Variants in CPNE8 observed in about 807,000 individuals in gnomAD.
CPNE8 encodes copine 8.
In CPNE8, 45 loss-of-function variants were observed where a neutral mutation model predicts 81.5. The observed-to-expected ratio is 0.55, with a 90% CI of 0.44 to 0.71. CPNE8 has a LOEUF of 0.71. CPNE8 is among the 30% of genes least tolerant of loss of function. The pLI, the probability that CPNE8 is intolerant of heterozygous loss-of-function variation, is 0.00. For synonymous variants in CPNE8, 252 were observed against 226.3 expected, an observed-to-expected ratio of 1.11 and a Z score of -1.02; for missense variants, 594 against 672.1, an observed-to-expected ratio of 0.88 and a Z score of 1.28.
chr12:38,881,480 T>C (rs1424903990), intron 1 of CPNE8, among the ~76,000 whole-genome samples: 1 of 152,152 alleles, frequency 6.6e-6, no homozygotes, highest in Non-Finnish European at 1.5e-5. Flanking sequence ...CAACAGACAC[T>C]AGGGATAAAA....
chr12:38,829,981 C>T (rs867160187), intron 5 of CPNE8, among the ~76,000 whole-genome samples: 1 of 152,128 alleles, frequency 6.6e-6, no homozygotes, highest in African/African-American at 2.4e-5. Context: ...GCAGTTTGCT[C>T]TTCTCTATAA....
chr12:38,676,765 G>A (rs1338145514), intron 17 of CPNE8, among the ~76,000 whole-genome samples: 5 of 152,056 alleles, frequency 3.3e-5, no homozygotes, highest in South Asian at 2.1e-4. Context: ...CACATCTTTC[G>A]CTATGAAGAT....
intron 6 of CPNE8, among the ~76,000 whole-genome samples, chr12:38,790,837 T>C (rs147841224): frequency 6.6e-6 from 1 of 151,724 alleles, no homozygotes; most frequent in African/African-American, 2.4e-5. Flanking sequence ...TAATTTGTTT[T>C]TTGTGTGATT....
intron 2 of CPNE8, 40 bp downstream of exon 2, chr12:38,874,431 A>G: frequency 6.6e-7 from 1 of 1,510,458 alleles, no homozygotes; most frequent in Non-Finnish European, 9.2e-7. Context: ...ACTTTTGCAA[A>G]ATCAAATGAT....
chr12:38,772,078 A>G (rs1365302140), intron 7 of CPNE8, among the ~76,000 whole-genome samples: 1 of 152,154 alleles, frequency 6.6e-6, no homozygotes, highest in Admixed American at 6.5e-5. Context: ...TTCTCTCAGA[A>G]TGAGTTCATT....
chr12:38,826,463 G>A (rs144449613), intron 6 of CPNE8, among the ~76,000 whole-genome samples: 130 of 152,078 alleles, frequency 8.5e-4, no homozygotes, highest in African/African-American at 3.0e-3. Flanking sequence ...GTTATACCCC[G>A]CCCTTAGCAA....
At chr12:38,878,502 T>C (rs1944099537) in intron 1 of CPNE8, among the ~76,000 whole-genome samples, 1 of 152,254 alleles carries the variant, frequency 6.6e-6, no homozygotes, top group Non-Finnish European at 1.5e-5. Flanking sequence ...TGCCTTCTCC[T>C]AAACACAACA....
At chr12:38,894,455 A>G (rs1046471999) in intron 1 of CPNE8, among the ~76,000 whole-genome samples, 2 of 152,122 alleles carry the variant, frequency 1.3e-5, no homozygotes, top group African/African-American at 4.8e-5. Flanking sequence ...GGATGAAACC[A>G]CTGGCATAAA....
chr12:38,683,915 T>C (rs981388035), intron 16 of CPNE8, among the ~76,000 whole-genome samples: 1 of 152,126 alleles, frequency 6.6e-6, no homozygotes, highest in Admixed American at 6.6e-5. Context: ...AGCCTTTGAT[T>C]TTAAATGTAT....
In CPNE8 at chr12:38,659,288, C is replaced by T. The variant is rs759006197; in HGVS notation, c.1507-5218G>A. ...AAACAGACTTTAAACCAACAAAGAT[C>T]GAAAAAGACAAAGAAGGCCATTACA... On this transcript the variant is annotated intron_variant, in intron 19 of 19. Coordinates refer to ENST00000331366, the MANE Select transcript of CPNE8 (RefSeq NM_153634.3). Among the ~76,000 whole-genome samples, 93 of 150,728 alleles carry T rather than the reference C, an allele frequency of 6.2e-4. 1 individual carries two copies. The highest frequency in any genetic ancestry group is 2.1e-4 in the Non-Finnish European group (14 of 67,776).
intron 5 of CPNE8, among the ~76,000 whole-genome samples, chr12:38,831,921 G>A (rs1592126192): frequency 6.6e-6 from 1 of 152,296 alleles, no homozygotes; most frequent in Non-Finnish European, 1.5e-5. Context: ...ATGGAGTAGC[G>A]AGTCTCAGTA....
At chr12:38,800,007 C>T (rs1369455280) in intron 6 of CPNE8, among the ~76,000 whole-genome samples, 1,604 of 142,262 alleles carry the variant, frequency 0.011, 29 homozygotes, top group African/African-American at 0.037. Flanking sequence ...GAGGGTCCTA[C>T]GCCCACGGAA....
At chr12:38,882,814 A>C (rs1450261311) in intron 1 of CPNE8, among the ~76,000 whole-genome samples, 1 of 152,128 alleles carries the variant, frequency 6.6e-6, no homozygotes, top group Admixed American at 6.5e-5. Flanking sequence ...GCTTCCAGAC[A>C]CTTCAGATTC....
intron 4 of CPNE8, among the ~76,000 whole-genome samples, chr12:38,844,217 C>T (rs1943517667): frequency 1.3e-5 from 2 of 151,976 alleles, no homozygotes; most frequent in South Asian, 4.2e-4. Flanking sequence ...ACTCAGATAT[C>T]CCTTTTTAGT....
At chr12:38,668,804 C>T (rs1340368004) in intron 19 of CPNE8, among the ~76,000 whole-genome samples, 2 of 152,070 alleles carry the variant, frequency 1.3e-5, no homozygotes, top group South Asian at 2.1e-4. Flanking sequence ...AATCCCAGCA[C>T]ATTGGGAGGC....
chr12:38,693,601 T>C (rs1411191491), intron 15 of CPNE8, 56 bp downstream of exon 15: 2 of 1,457,460 alleles, frequency 1.4e-6, no homozygotes, highest in African/African-American at 2.8e-5. Flanking sequence ...CAAAGCAATA[T>C]TAAAAGGTCT....
intron 16 of CPNE8, among the ~76,000 whole-genome samples, chr12:38,684,533 G>T (rs1012453413): frequency 6.6e-6 from 1 of 152,156 alleles, no homozygotes; most frequent in African/African-American, 2.4e-5. Flanking sequence ...GTCAACCTGA[G>T]TTGGAGTTCC....
chr12:38,667,059 C>T (rs569882433), intron 19 of CPNE8, among the ~76,000 whole-genome samples: 30 of 152,160 alleles, frequency 2.0e-4, no homozygotes, highest in Non-Finnish European at 4.3e-4. Context: ...ACCCTATCTA[C>T]TACCCCCAAT....
Position 38,692,583 on chromosome 12 carries a change from T to C in CPNE8, c.1143+1074A>G, listed in dbSNP as rs533515166. On this transcript the variant is annotated intron_variant, in intron 15 of 19. Transcript: ENST00000331366. ...TGGAGGCTAAACCAGTATATATTTG[T>C]ATAGGTTTGGTTACAAGGAATGAAC... Among the ~76,000 whole-genome samples, 5 of 152,206 alleles carry C rather than the reference T, an allele frequency of 3.3e-5. No homozygotes were observed. In the South Asian group the frequency reaches 1.0e-3, roughly 32 times the overall value.
Sources: gnomAD v4.1 joint callset for allele counts (sites outside exome capture counted in the v4.1 genomes callset) on GRCh38, gnomAD v4.1.1 for gene constraint, MANE v1.5 for transcripts, NCBI Gene and HGNC (gene_info 2026-07-23, HGNC 2026-07-21) for gene names.